Variants in NOVA1 observed in about 807,000 individuals in gnomAD.
NOVA1 encodes RNA-binding protein Nova-1.
A neutral mutation model predicts 38.0 loss-of-function variants in NOVA1; 7 were observed. The observed-to-expected ratio is 0.18, with a 90% confidence interval of 0.10 to 0.35. NOVA1 has a LOEUF of 0.35. Ranked by LOEUF, NOVA1 falls within the 10% of genes least tolerant of loss-of-function variation. The pLI is 1.00. For missense variants in NOVA1, 460 were observed against 616.0 expected (o/e 0.75, Z 2.68); for synonymous variants, 270 against 232.5 (o/e 1.16, Z -1.47).
chr14:26,465,696 T>TA (rs141192355), intron 4 of NOVA1, among the ~76,000 whole-genome samples: 3,216 of 150,668 alleles, frequency 0.021, 47 homozygotes, highest in Middle Eastern at 0.041. Context: ...TCAAATATTG[T>TA]AAAAAAAAAG....
chr14:26,492,924 C>A (rs1372608786), intron 2 of NOVA1, among the ~76,000 whole-genome samples: 2 of 151,702 alleles, frequency 1.3e-5, no homozygotes, highest in African/African-American at 4.8e-5. Flanking sequence ...CAGAGTGAGG[C>A]TCTGTCTCAA....
intron 2 of NOVA1, among the ~76,000 whole-genome samples, chr14:26,498,602 T>C (rs1886999069): frequency 6.6e-6 from 1 of 152,140 alleles, no homozygotes; most frequent in African/African-American, 2.4e-5. Flanking sequence ...ATTACAGACA[T>C]TTGTATATGT....
chr14:26,574,589 G>C (rs1211283761), intron 2 of NOVA1, among the ~76,000 whole-genome samples: 1 of 151,966 alleles, frequency 6.6e-6, no homozygotes, highest in African/African-American at 2.4e-5. Context: ...GCATAAATGA[G>C]TGGTTACTTA....
intron 2 of NOVA1, among the ~76,000 whole-genome samples, chr14:26,585,456 A>G (rs1443776560): frequency 6.6e-6 from 1 of 151,168 alleles, no homozygotes; most frequent in Admixed American, 6.6e-5. Context: ...TCCCCACTAT[A>G]GTTGGGGAAG....
intron 2 of NOVA1, among the ~76,000 whole-genome samples, chr14:26,503,529 T>C (rs925621251): frequency 3.3e-5 from 5 of 152,142 alleles, no homozygotes; most frequent in Admixed American, 6.6e-5. Flanking sequence ...ATGGATACTC[T>C]AGTACAATTC....
At chr14:26,587,774 C>CA (rs1159570807) in intron 2 of NOVA1, among the ~76,000 whole-genome samples, 2 of 150,796 alleles carry the variant, frequency 1.3e-5, no homozygotes, top group African/African-American at 2.4e-5. Context: ...AAAAAGAAAA[C>CA]AAAAACATGT....
At chr14:26,494,753 C>T (rs1379134178) in intron 2 of NOVA1, among the ~76,000 whole-genome samples, 6 of 152,122 alleles carry the variant, frequency 3.9e-5, no homozygotes, top group Non-Finnish European at 8.8e-5. Flanking sequence ...TCTACCAACA[C>T]CTCCCTAGTC....
In NOVA1 at chr14:26,598,004, T is replaced by TGCCGCC. The variant is rs776199102; in HGVS notation, c.-574_-569dup. Among the ~76,000 whole-genome samples, 8 of 150,952 alleles carry TGCCGCC rather than the reference T, an allele frequency of 5.3e-5. No individual in the cohort carries two copies. The highest frequency in any genetic ancestry group is 6.6e-5 in the Admixed American group (1 of 15,224). On this transcript the variant is annotated 5_prime_UTR_variant, in exon 1 of 5. Coordinates refer to ENST00000539517, the MANE Select transcript of NOVA1 (RefSeq NM_002515.3). ...TTGCGCTCGCTCCCGCTGCTGGTGC[T>TGCCGCC]GCCGCCGCCGCCGCTGCCGGAGCGG...
chr14:26,520,779 G>A (rs1390031763), intron 2 of NOVA1, among the ~76,000 whole-genome samples: 1 of 152,106 alleles, frequency 6.6e-6, no homozygotes, highest in African/African-American at 2.4e-5. Context: ...AATGGAATGA[G>A]ACTTACATGG....
chr14:26,545,126 G>A (rs571002395), intron 2 of NOVA1, among the ~76,000 whole-genome samples: 2 of 152,082 alleles, frequency 1.3e-5, no homozygotes, highest in East Asian at 1.9e-4. Flanking sequence ...AGTAGTGGAG[G>A]AAAATGGCAA....
At chr14:26,564,778 T>C (rs918207071) in intron 2 of NOVA1, among the ~76,000 whole-genome samples, 3 of 152,130 alleles carry the variant, frequency 2.0e-5, no homozygotes, top group Non-Finnish European at 4.4e-5. Context: ...ATATAAACAA[T>C]ATGGTTAAGG....
intron 2 of NOVA1, among the ~76,000 whole-genome samples, chr14:26,587,805 A>T (rs1247655949): frequency 6.6e-6 from 1 of 151,116 alleles, no homozygotes; most frequent in Admixed American, 6.6e-5. Flanking sequence ...AATAGTAGGT[A>T]CCCTATTACC....
intron 2 of NOVA1, among the ~76,000 whole-genome samples, chr14:26,482,412 C>T (rs1023630984): frequency 1.3e-5 from 2 of 151,934 alleles, no homozygotes; most frequent in African/African-American, 4.8e-5. Flanking sequence ...TCAGAAAACA[C>T]AAAACCGTAA....
chr14:26,584,568 T>C (rs1489231998), intron 2 of NOVA1, among the ~76,000 whole-genome samples: 2 of 151,398 alleles, frequency 1.3e-5, no homozygotes. Context: ...CAGATATCTA[T>C]AGTGCCTCCT....
chr14:26,501,045 T>C (rs74042415), intron 2 of NOVA1, among the ~76,000 whole-genome samples: 2,101 of 152,094 alleles, frequency 0.014, 42 homozygotes, highest in African/African-American at 0.046. Flanking sequence ...CATTTTTGCA[T>C]GTCAAACCTC....
chr14:26,484,073 C>T (rs1048700851), intron 2 of NOVA1, among the ~76,000 whole-genome samples: 2 of 151,560 alleles, frequency 1.3e-5, no homozygotes, highest in African/African-American at 4.8e-5. Context: ...ATTTCTGCAA[C>T]AACAAAAAAT....
chr14:26,560,040 T>C (rs957233884), intron 2 of NOVA1, among the ~76,000 whole-genome samples: 4 of 152,046 alleles, frequency 2.6e-5, no homozygotes. Flanking sequence ...GTATAATTTG[T>C]AAATATGCAC....
intron 2 of NOVA1, chr14:26,519,437 G>A (rs1309703620): frequency 6.6e-6 from 1 of 152,170 alleles, no homozygotes; most frequent in Non-Finnish European, 1.5e-5. Context: ...AATAGGTAGA[G>A]TAGGGCCAGA....
chr14:26,568,396 AC>A (rs1347970195), intron 2 of NOVA1: 1 of 152,150 alleles, frequency 6.6e-6, no homozygotes, highest in African/African-American at 2.4e-5. Context: ...CTTTTCACCA[AC>A]TGCATGATTT....
Sources: allele counts gnomAD v4.1 joint callset (sites outside exome capture counted in the v4.1 genomes callset), GRCh38; gene constraint gnomAD v4.1.1; transcripts MANE v1.5; gene names NCBI Gene and HGNC (gene_info 2026-07-23, HGNC 2026-07-21).